Variants in MYL1 observed in about 807,000 individuals in gnomAD.
MYL1 encodes myosin light chain 1.
In MYL1, 16 loss-of-function variants were observed where a neutral mutation model predicts 21.8. That is an observed-to-expected ratio of 0.74 (90% CI 0.50 to 1.12). The LOEUF (loss-of-function observed/expected upper bound fraction) is 1.12, where lower values mean the gene tolerates loss of function less well. Among genes scored for constraint, MYL1 ranks in the 50% most tolerant of loss-of-function variants. The pLI is 0.00. For missense variants in MYL1, 246 were observed against 241.0 expected (o/e 1.02, Z -0.14); for synonymous variants, 99 against 85.2 (o/e 1.16, Z -0.89).
At position 210,293,784 on chromosome 2, in the gene MYL1, C is replaced by G. The variant is rs745626223; in HGVS notation, c.495G>C (p.Glu165Asp). The G allele has an allele frequency of 5.3e-5, 85 of 1,613,888 alleles. 1 individual carries two copies. The highest frequency in any genetic ancestry group is 7.1e-5 in the Non-Finnish European group (84 of 1,179,906). The change falls in exon 5 of 7, where the codon GAG becomes GAC. Residue 165 changes from glutamate to aspartate, a missense_variant. Coordinates refer to ENST00000352451, the MANE Select transcript of MYL1 (RefSeq NM_079420.3). The part of the protein sequence containing the change: ...VLATLGEKMK[E>D]EEVEALMAGQ... ...CTGCCATCAGGGCTTCCACTTCTTC[C>G]TCTTTCATCTTTTCACCTGATGAAA...
At chr2:210,291,410 A>G (rs1249552567) in intron 5 of MYL1, among the ~76,000 whole-genome samples, 4 of 152,140 alleles carry the variant, frequency 2.6e-5, no homozygotes. Flanking sequence ...CTACGGGCAC[A>G]TGTCACTGTG....
intron 5 of MYL1, among the ~76,000 whole-genome samples, chr2:210,292,132 G>A (rs891838278): frequency 6.6e-6 from 1 of 152,114 alleles, no homozygotes; most frequent in African/African-American, 2.4e-5. Flanking sequence ...GCAGTAACGC[G>A]ATCTTCACTC....
intron 2 of MYL1, among the ~76,000 whole-genome samples, chr2:210,300,093 A>G (rs1227446948): frequency 6.6e-6 from 1 of 152,130 alleles, no homozygotes; most frequent in Non-Finnish European, 1.5e-5. Flanking sequence ...TTAGTCAAAT[A>G]TTATTTTTCA....
chr2:210,293,653 C>T, intron 5 of MYL1, 70 bp downstream of exon 5: 2 of 1,306,168 alleles, frequency 1.5e-6, no homozygotes, highest in Non-Finnish European at 2.2e-6. Flanking sequence ...GGAAAAGAAG[C>T]TCAAAAGGAG....
chr2:210,302,727 G>T, intron 1 of MYL1: 1 of 1,558,318 alleles, frequency 6.4e-7, no homozygotes, highest in Non-Finnish European at 8.7e-7. Flanking sequence ...ACTAGGCAGT[G>T]CTGTGCCTAC....
intron 3 of MYL1, among the ~76,000 whole-genome samples, chr2:210,298,208 A>G (rs959851486): frequency 2.6e-5 from 4 of 152,018 alleles, no homozygotes; most frequent in Non-Finnish European, 5.9e-5. Flanking sequence ...ATAAAGCAAA[A>G]AGCTGAGACT....
At chr2:210,297,106 G>A (rs1214231090) in intron 3 of MYL1, among the ~76,000 whole-genome samples, 1 of 149,418 alleles carries the variant, frequency 6.7e-6, no homozygotes, top group African/African-American at 2.5e-5. Flanking sequence ...CCATATCTTG[G>A]GCATCGTAAA....
At chr2:210,297,963 A>T (rs1690202986) in intron 3 of MYL1, among the ~76,000 whole-genome samples, 1 of 152,100 alleles carries the variant, frequency 6.6e-6, no homozygotes, top group African/African-American at 2.4e-5. Context: ...ATTGTTTATA[A>T]AGTGTTTTAA....
Position 210,294,301 on chromosome 2 carries a change from T to C in MYL1, c.422A>G (p.Lys141Arg). Residue 141 changes from lysine to arginine, a missense_variant, in exon 4 of 7, where the codon AAG (lysine) becomes AGG (arginine). Physicochemically the swap from Lys to Arg is conservative, Grantham distance 26 (BLOSUM62 2). Coordinates refer to ENST00000352451, the MANE Select transcript of MYL1 (RefSeq NM_079420.3). The stretch of plus-strand genomic sequence containing the variant: ...ACCCATGACTGTGCCATTGCCTTCC[T>C]TGTCAAAGACACGCAGACCCTCAAC... ...DFVEGLRVFD[K>R]EGNGTVMGAE... 1 of 1,614,028 alleles carries C rather than the reference T, an allele frequency of 6.2e-7. No individual in the cohort carries two copies. The highest frequency in any genetic ancestry group is 1.3e-5 in the African/African-American group (1 of 75,042).
Position 210,294,175 on chromosome 2 carries a change from C to G in MYL1, c.478+70G>C. ...GTCTTTCCTCCTATTTTGGTAGTGA[C>G]ATGATTCTCCTGTCATGTTCTTTTC... On this transcript the variant is annotated intron_variant, in intron 4 of 6. Coordinates refer to ENST00000352451, the MANE Select transcript of MYL1 (RefSeq NM_079420.3). 4.3e-6 allele frequency: 6 copies of G among 1,401,800 alleles called. No individual in the cohort carries two copies. The South Asian group carries it at 9.6e-5, about 22-fold the overall frequency. The allele number at this position is 1,401,800 out of a possible 1,614,324, so 86.8% of individuals were successfully genotyped here.
intron 1 of MYL1, chr2:210,303,541 C>T (rs1407664455): frequency 1.9e-6 from 3 of 1,611,292 alleles, no homozygotes; most frequent in Non-Finnish European, 8.5e-7. Context: ...ATAGGACCCA[C>T]CATGATGGAG....
At chr2:210,294,888 G>C (rs1275419011) in intron 3 of MYL1, among the ~76,000 whole-genome samples, 1 of 152,162 alleles carries the variant, frequency 6.6e-6, no homozygotes, top group Admixed American at 6.6e-5. Flanking sequence ...GATTAATACA[G>C]TAAAACTTAG....
At chr2:210,291,123 T>C in intron 5 of MYL1, 49 bp from the exon 6 acceptor site, 1 of 1,459,306 alleles carries the variant, frequency 6.9e-7, no homozygotes, top group Non-Finnish European at 9.6e-7. Flanking sequence ...TAGGAAACAG[T>C]CAAATTTAAT....
intron 1 of MYL1, chr2:210,303,468 T>A: frequency 1.4e-6 from 2 of 1,458,286 alleles, no homozygotes; most frequent in East Asian, 2.4e-5. Flanking sequence ...TTTGCCTATC[T>A]TTCTTCTCAA....
intron 3 of MYL1, among the ~76,000 whole-genome samples, chr2:210,296,071 CT>C (rs1364198595): frequency 3.9e-5 from 6 of 152,270 alleles, no homozygotes; most frequent in African/African-American, 2.4e-5. Context: ...TCTCATACCC[CT>C]CTCTCTGTTT....
chr2:210,293,959 T>C (rs1690126565), intron 4 of MYL1, among the ~76,000 whole-genome samples, 159 bp from the exon 5 acceptor site: 1 of 152,192 alleles, frequency 6.6e-6, no homozygotes, highest in Non-Finnish European at 1.5e-5. Context: ...AACTAATTGG[T>C]TTTTGAATGA....
At chr2:210,305,145 C>T (rs1054067194) in intron 1 of MYL1, among the ~76,000 whole-genome samples, 1 of 152,176 alleles carries the variant, frequency 6.6e-6, no homozygotes, top group Non-Finnish European at 1.5e-5. Flanking sequence ...AAGACATATA[C>T]TTTGTAACTT....
rs192424486 is a variant in MYL1 at position 210,314,567 on chromosome 2, G to T, written c.132+344C>A. ...AAGTAAGGGATCTGGTTTCCAGAGA[G>T]ATTTTATTTAAACCCAAACACTGGT... On this transcript the variant is annotated intron_variant, in intron 1 of 6. Transcript: ENST00000352451. Among the ~76,000 whole-genome samples, 57 of 152,260 alleles carry T rather than the reference G, an allele frequency of 3.7e-4. No individual in the cohort carries two copies. The East Asian group carries it at 9.6e-3, about 26-fold the overall frequency.
intron 1 of MYL1, among the ~76,000 whole-genome samples, chr2:210,310,275 AT>A (rs1237661261): frequency 6.6e-6 from 1 of 152,094 alleles, no homozygotes; most frequent in Non-Finnish European, 1.5e-5. Context: ...TTAGAAATTG[AT>A]TACATGTGTT....
Sources: allele counts gnomAD v4.1 joint callset (sites outside exome capture counted in the v4.1 genomes callset), GRCh38; gene constraint gnomAD v4.1.1; transcripts MANE v1.5; gene names NCBI Gene and HGNC (gene_info 2026-07-23, HGNC 2026-07-21).